LRFN5: variants seen among roughly 807,000 people sequenced by gnomAD.
The protein encoded by LRFN5 is leucine rich repeat and fibronectin type III domain containing 5.
A neutral mutation model predicts 45.6 loss-of-function variants in LRFN5; 24 were observed. The observed-to-expected ratio is 0.53, with a 90% CI of 0.38 to 0.74. LRFN5 has a LOEUF of 0.74. Among genes scored for constraint, LRFN5 ranks in the 30% least tolerant of loss-of-function variants. The probability of loss-of-function intolerance (pLI) is 0.00; values close to 1 mark genes in which losing one functional copy is unlikely to be tolerated. For synonymous variants in LRFN5, 340 were observed against 313.8 expected, an observed-to-expected ratio of 1.08 and a Z score of -0.88; for missense variants, 776 against 861.5, an observed-to-expected ratio of 0.90 and a Z score of 1.24.
At chr14:41,667,367 A>G (rs957243588) in intron 1 of LRFN5, among the ~76,000 whole-genome samples, 1 of 152,184 alleles carries the variant, frequency 6.6e-6, no homozygotes, top group African/African-American at 2.4e-5. Context: ...ATTTCTGATA[A>G]AGTTGTTATA....
intron 1 of LRFN5, among the ~76,000 whole-genome samples, chr14:41,685,166 G>A (rs1440342362): frequency 4.6e-5 from 7 of 152,150 alleles, no homozygotes. Flanking sequence ...TGAGGATGTA[G>A]AGAGAAGGGA....
rs1888955747 is a variant in LRFN5, at chr14:41,843,890, T to C, written c.-20-42716T>C. On this transcript the variant is annotated intron_variant, in intron 2 of 5. Transcript: ENST00000298119. ...AAGTAACAATATAGAAAATAAGATA[T>C]GGAAAGATATTTGCAACAACTGGCA... Among the ~76,000 whole-genome samples, 4 of 152,132 alleles carry C rather than the reference T, an allele frequency of 2.6e-5. No individual in the cohort carries two copies. In the South Asian group the frequency reaches 8.3e-4, roughly 31 times the overall value.
chr14:41,650,266 CAAAA>C lies in LRFN5; in HGVS notation c.-197+41713_-197+41716del, dbSNP rs10654457. On this transcript the variant is annotated intron_variant, in intron 1 of 5. Transcript: ENST00000298119. Reference sequence around the variant, plus strand: ...ACACACACACACACACACACACACACAAAAAAAAAAAAGATACTTGCAACACAGA... The same window carrying C: ...ACACACACACACACACACACACACACAAAAAAAAGATACTTGCAACACAGA... Among the ~76,000 whole-genome samples, 289 of 135,504 alleles carry C rather than the reference CAAAA, an allele frequency of 2.1e-3. 1 individual carries two copies. The highest frequency in any genetic ancestry group is 7.2e-3 in the African/African-American group (257 of 35,566). 88.9% of individuals were successfully genotyped at this position (135,504 alleles called of 152,430 possible).
At chr14:41,612,202 G>C (rs1434583829) in intron 1 of LRFN5, among the ~76,000 whole-genome samples, 1 of 151,956 alleles carries the variant, frequency 6.6e-6, no homozygotes, top group Non-Finnish European at 1.5e-5. Context: ...GATGCTTGCA[G>C]GTATCTAACA....
At chr14:41,622,285 T>C (rs528669723) in intron 1 of LRFN5, among the ~76,000 whole-genome samples, 62 of 152,248 alleles carry the variant, frequency 4.1e-4, no homozygotes, top group African/African-American at 1.3e-3. Flanking sequence ...CAAATTTTGT[T>C]ATTTTAGGGA....
At chr14:41,701,823 A>G (rs968635210) in intron 1 of LRFN5, among the ~76,000 whole-genome samples, 4 of 152,260 alleles carry the variant, frequency 2.6e-5, no homozygotes, top group Middle Eastern at 3.4e-3. Flanking sequence ...GAAAGTTGTG[A>G]CCTTTTAAAC....
rs533568345 is a variant in LRFN5 at position 41,870,886 on chromosome 14, G to A, written c.-20-15720G>A. 1.4e-4 allele frequency among the ~76,000 whole-genome samples: 21 copies of A among 152,080 alleles called. 2 individuals are homozygous for A. The South Asian group carries it at 2.7e-3, about 20-fold the overall frequency. ...TATGCCAACATACATTGTAGCACATGTTTTATTATTATTTTTAACTCTCAA... is the reference window on the plus strand; with the variant it reads ...TATGCCAACATACATTGTAGCACATATTTTATTATTATTTTTAACTCTCAA... On this transcript the variant is annotated intron_variant, in intron 2 of 5. Transcript: ENST00000298119.
chr14:41,769,637 G>A (rs753703722), intron 2 of LRFN5, among the ~76,000 whole-genome samples: 75 of 151,890 alleles, frequency 4.9e-4, no homozygotes, highest in Non-Finnish European at 9.7e-4. Context: ...TAACTATTAA[G>A]GTATCCTTAA....
chr14:41,740,410 C>T (rs1884640501), intron 1 of LRFN5, among the ~76,000 whole-genome samples: 1 of 151,820 alleles, frequency 6.6e-6, no homozygotes, highest in Non-Finnish European at 1.5e-5. Flanking sequence ...AAATGAGTTA[C>T]ACTATATTAA....
chr14:41,674,183 C>T (rs1472245645), intron 1 of LRFN5, among the ~76,000 whole-genome samples: 68 of 128,444 alleles, frequency 5.3e-4, no homozygotes, highest in East Asian at 8.1e-4. Context: ...CCAGACGGGG[C>T]GGCTGGCCGG....
At chr14:41,643,157 G>A (rs905472234) in intron 1 of LRFN5, among the ~76,000 whole-genome samples, 2 of 152,052 alleles carry the variant, frequency 1.3e-5, no homozygotes, top group Non-Finnish European at 2.9e-5. Flanking sequence ...GCTAATTAAT[G>A]ATTACCTAGG....
At chr14:41,691,284 ATTCC>A (rs1437764032) in intron 1 of LRFN5, among the ~76,000 whole-genome samples, 1 of 151,942 alleles carries the variant, frequency 6.6e-6, no homozygotes, top group Admixed American at 6.6e-5. Context: ...ATTTACATCT[ATTCC>A]TTATAATTTA....
intron 1 of LRFN5, among the ~76,000 whole-genome samples, chr14:41,766,009 C>T (rs1885871121): frequency 6.6e-6 from 1 of 152,104 alleles, no homozygotes; most frequent in South Asian, 2.1e-4. Flanking sequence ...GTTGCTGTTT[C>T]ATCTTAGGTC....
At chr14:41,773,897 T>C (rs1033116180) in intron 2 of LRFN5, among the ~76,000 whole-genome samples, 1 of 152,074 alleles carries the variant, frequency 6.6e-6, no homozygotes, top group Non-Finnish European at 1.5e-5. Context: ...CAATGCAGAG[T>C]CTTTCTGAAA....
chr14:41,650,684 A>G (rs1327511365), intron 1 of LRFN5, among the ~76,000 whole-genome samples: 1 of 152,120 alleles, frequency 6.6e-6, no homozygotes, highest in Non-Finnish European at 1.5e-5. Flanking sequence ...ATATGGGAAT[A>G]TTTATAAAGA....
At chr14:41,801,035 A>T (rs1267762480) in intron 2 of LRFN5, among the ~76,000 whole-genome samples, 2 of 152,206 alleles carry the variant, frequency 1.3e-5, no homozygotes, top group African/African-American at 4.8e-5. Flanking sequence ...ATATAATGAC[A>T]ATATCACACT....
intron 1 of LRFN5, among the ~76,000 whole-genome samples, chr14:41,738,081 C>A (rs1884522734): frequency 6.6e-6 from 1 of 152,124 alleles, no homozygotes; most frequent in Admixed American, 6.5e-5. Flanking sequence ...CATCACATTA[C>A]CTGACTTCAA....
intron 2 of LRFN5, among the ~76,000 whole-genome samples, chr14:41,868,244 C>G (rs1889904106): frequency 6.6e-6 from 1 of 151,942 alleles, no homozygotes; most frequent in Admixed American, 6.6e-5. Flanking sequence ...TAGATTTTGA[C>G]TACCTATTGA....
At chr14:41,896,864 A>G (rs1257625291) in intron 4 of LRFN5, among the ~76,000 whole-genome samples, 3 of 151,974 alleles carry the variant, frequency 2.0e-5, no homozygotes, top group African/African-American at 7.3e-5. Context: ...ATGCCAAGGC[A>G]GGCAGATCAC....
Sources: allele counts gnomAD v4.1 joint callset (sites outside exome capture counted in the v4.1 genomes callset), GRCh38; gene constraint gnomAD v4.1.1; transcripts MANE v1.5; gene names NCBI Gene and HGNC (gene_info 2026-07-23, HGNC 2026-07-21).